The following SLC6A11 variants were observed in gnomAD, a reference collection of about 807,000 sequenced individuals.
SLC6A11 encodes sodium- and chloride-dependent GABA transporter 3.
Under a neutral mutation model 74.8 loss-of-function variants are expected in SLC6A11, and 25 were observed. That is an observed-to-expected ratio of 0.33 (90% CI 0.24 to 0.47). The LOEUF (loss-of-function observed/expected upper bound fraction) is 0.47, where lower values mean the gene tolerates loss of function less well. SLC6A11 is among the 20% of genes least tolerant of loss of function. The pLI is 1.00. For missense variants in SLC6A11, 574 were observed against 837.0 expected, an observed-to-expected ratio of 0.69 and a Z score of 3.88; for synonymous variants, 330 against 330.2, an observed-to-expected ratio of 1.00 and a Z score of 0.01.
chr3:10,917,411 C>A (rs973251044), intron 7 of SLC6A11, among the ~76,000 whole-genome samples: 1 of 152,162 alleles, frequency 6.6e-6, no homozygotes, highest in African/African-American at 2.4e-5. Flanking sequence ...GCTAGTCATG[C>A]CTCTGGCAGG....
chr3:10,848,621 TG>T (rs1694534791), intron 5 of SLC6A11, among the ~76,000 whole-genome samples: 1 of 152,234 alleles, frequency 6.6e-6, no homozygotes, highest in Middle Eastern at 3.2e-3. Context: ...CCCTGTGCTT[TG>T]GGCTCCTTGG....
chr3:10,884,608 G>A (rs936748296), intron 6 of SLC6A11, among the ~76,000 whole-genome samples: 1 of 152,192 alleles, frequency 6.6e-6, no homozygotes, highest in African/African-American at 2.4e-5. Context: ...ACTGTGTCGT[G>A]TCTGATTTTC....
chr3:10,849,956 TA>T (rs1694552971), intron 5 of SLC6A11, among the ~76,000 whole-genome samples: 1 of 152,118 alleles, frequency 6.6e-6, no homozygotes, highest in Non-Finnish European at 1.5e-5. Context: ...AATAAAGTTT[TA>T]ATGGAACACA....
rs1695785236 is a variant in SLC6A11, at chr3:10,938,479, C to T, written c.*77C>T. 1 of 1,432,004 alleles carries T rather than the reference C, an allele frequency of 7.0e-7. No homozygotes were observed. The allele number at this position is 1,432,004 out of a possible 1,614,324, so 88.7% of individuals were successfully genotyped here. ...AAATGAATTCCTGAACCCCATACTT[C>T]ACCTAATGGTAGGGGCTTGCTTGTT... On this transcript the variant is annotated 3_prime_UTR_variant, in exon 14 of 14. Transcript: ENST00000254488.
At chr3:10,829,929 A>C (rs1394887325) in intron 4 of SLC6A11, among the ~76,000 whole-genome samples, 1 of 152,030 alleles carries the variant, frequency 6.6e-6, no homozygotes, top group East Asian at 1.9e-4. Context: ...TCTTCACTTA[A>C]TTGTTCTTTT....
intron 4 of SLC6A11, chr3:10,824,284 G>T (rs1407335116): frequency 6.6e-6 from 1 of 152,208 alleles, no homozygotes; most frequent in Non-Finnish European, 1.5e-5. Flanking sequence ...ATGGGTCAAA[G>T]GCTGGACTAA....
At chr3:10,836,354 G>A (rs1361849373) in intron 4 of SLC6A11, among the ~76,000 whole-genome samples, 1 of 152,176 alleles carries the variant, frequency 6.6e-6, no homozygotes, top group East Asian at 1.9e-4. Flanking sequence ...TTGAACATAT[G>A]TTTATTCTCT....
intron 5 of SLC6A11, among the ~76,000 whole-genome samples, chr3:10,852,746 A>G (rs567047366): frequency 1.3e-5 from 2 of 152,390 alleles, no homozygotes; most frequent in South Asian, 4.1e-4. Flanking sequence ...CAGGCACCAA[A>G]TAATCAAAGT....
intron 6 of SLC6A11, among the ~76,000 whole-genome samples, chr3:10,908,524 C>A (rs1695341400): frequency 6.6e-6 from 1 of 152,156 alleles, no homozygotes; most frequent in South Asian, 2.1e-4. Flanking sequence ...TCATGTGAAT[C>A]TTTAAGCCCA....
At position 10,913,071 on chromosome 3, in the gene SLC6A11, T is replaced by A. The variant is rs541158554; in HGVS notation, c.995+878T>A. Among the ~76,000 whole-genome samples the A allele has an allele frequency of 5.2e-3, 784 of 150,816 alleles. 8 individuals carry two copies. Among genetic ancestry groups the A allele is most frequent in the African/African-American group, 0.018 (756 of 41,188 alleles). The stretch of plus-strand genomic sequence containing the variant: ...AGGTTGCCTTTTTTTTTTTTTTTTT[T>A]AACAAATGGTTCTGAGATAGGATAA... On this transcript the variant is annotated intron_variant, in intron 7 of 13. Transcript: ENST00000254488.
chr3:10,822,060 A>C (rs1043484552), intron 3 of SLC6A11, among the ~76,000 whole-genome samples: 3 of 152,224 alleles, frequency 2.0e-5, no homozygotes, highest in African/African-American at 7.2e-5. Flanking sequence ...TGGACTGCAA[A>C]CCTCTTTCTT....
rs749665718 is a variant in SLC6A11, at chr3:10,918,090, C to T, written c.996-239C>T. ...GCCAGCCTCCCTTCCCATGCTGGCT[C>T]TATGCTTCTGATTCGTGACCTACCT... is the stretch of plus-strand genomic sequence containing the variant. On this transcript the variant is annotated intron_variant, in intron 7 of 13. Coordinates refer to ENST00000254488, the MANE Select transcript of SLC6A11 (RefSeq NM_014229.3). The surrounding 1 kb of genome is among the most constrained non-coding windows in gnomAD (Gnocchi z 4.5). Among the ~76,000 whole-genome samples the T allele has an allele frequency of 1.2e-4, 18 of 152,206 alleles. No homozygotes were observed. Among genetic ancestry groups the T allele is most frequent in the Admixed American group, 5.2e-4 (8 of 15,284 alleles).
intron 5 of SLC6A11, among the ~76,000 whole-genome samples, chr3:10,850,386 G>T (rs1454594969): frequency 6.6e-6 from 1 of 152,200 alleles, no homozygotes; most frequent in Non-Finnish European, 1.5e-5. Context: ...TGTTTACTGT[G>T]TACCTGCTAT....
chr3:10,908,408 A>G (rs1695339155), intron 6 of SLC6A11, among the ~76,000 whole-genome samples: 1 of 152,180 alleles, frequency 6.6e-6, no homozygotes, highest in African/African-American at 2.4e-5. Flanking sequence ...GTATTGTGTA[A>G]AGGTGCTGGT....
intron 4 of SLC6A11, among the ~76,000 whole-genome samples, chr3:10,828,414 T>C (rs1176534537): frequency 6.6e-6 from 1 of 152,214 alleles, no homozygotes; most frequent in African/African-American, 2.4e-5. Flanking sequence ...GTGTTTATTT[T>C]TGAGTCACGT....
chr3:10,817,806 C>T (rs1346587852), intron 1 of SLC6A11, among the ~76,000 whole-genome samples: 2 of 152,100 alleles, frequency 1.3e-5, no homozygotes, highest in Non-Finnish European at 2.9e-5. Flanking sequence ...CTGGTGTTGG[C>T]GGCTTGGCAA....
At chr3:10,842,499 A>T (rs577229968) in intron 4 of SLC6A11, among the ~76,000 whole-genome samples, 148 of 152,316 alleles carry the variant, frequency 9.7e-4, no homozygotes, top group Middle Eastern at 3.4e-3. Context: ...GCCTCATTTA[A>T]TAAGGCCTGT....
intron 4 of SLC6A11, among the ~76,000 whole-genome samples, chr3:10,828,211 T>C (rs1694241808): frequency 6.6e-6 from 1 of 152,164 alleles, no homozygotes; most frequent in South Asian, 2.1e-4. Flanking sequence ...AGTCCAGGGT[T>C]TGGGGAGCAA....
chr3:10,923,121 G>T (rs1024411520), intron 8 of SLC6A11, among the ~76,000 whole-genome samples: 2 of 152,030 alleles, frequency 1.3e-5, no homozygotes, highest in African/African-American at 4.8e-5. Context: ...ATATTCATGT[G>T]TATATGCATG....
Sources: gnomAD v4.1 joint callset for allele counts (sites outside exome capture counted in the v4.1 genomes callset) on GRCh38, gnomAD v4.1.1 for gene constraint, Gnocchi (gnomAD v3.1) non-coding constraint, MANE v1.5 for transcripts, NCBI Gene and HGNC (gene_info 2026-07-23, HGNC 2026-07-21) for gene names.